The following ATP9A variants were observed in gnomAD, a reference collection of about 807,000 sequenced individuals.
ATP9A encodes the protein ATPase phospholipid transporting 9A.
ATP9A carries 52 observed loss-of-function variants against 144.1 expected under a neutral mutation model. The observed-to-expected ratio is 0.36, with a 90% CI of 0.29 to 0.45. The LOEUF is 0.45. Ranked by LOEUF, ATP9A falls within the 20% of genes least tolerant of loss-of-function variation. The probability of loss-of-function intolerance (pLI) is 1.00; values close to 1 mark genes in which losing one functional copy is unlikely to be tolerated. For synonymous variants in ATP9A, 582 were observed against 557.4 expected, an observed-to-expected ratio of 1.04 and a Z score of -0.62; for missense variants, 947 against 1,392.7, an observed-to-expected ratio of 0.68 and a Z score of 5.09.
intron 13 of ATP9A, among the ~76,000 whole-genome samples, chr20:51,660,210 T>C (rs1292843750): frequency 1.3e-5 from 2 of 152,224 alleles, no homozygotes; most frequent in African/African-American, 4.8e-5. Context: ...GACAAAGTAA[T>C]TACTGTGGTT....
chr20:51,610,918 A>C (rs961359086), intron 23 of ATP9A, among the ~76,000 whole-genome samples: 1 of 152,192 alleles, frequency 6.6e-6, no homozygotes, highest in Non-Finnish European at 1.5e-5. Flanking sequence ...CCCTCGCGGA[A>C]ATGTCTGCTT....
At chr20:51,697,539 G>C in intron 4 of ATP9A, 57 bp from the exon 5 acceptor site, 1 of 1,543,680 alleles carries the variant, frequency 6.5e-7, no homozygotes, top group South Asian at 1.1e-5. Flanking sequence ...AATTCAACAC[G>C]TCTTTACAGA....
chr20:51,690,886 A>G, intron 7 of ATP9A, 67 bp from the exon 8 acceptor site: 1 of 1,275,518 alleles, frequency 7.8e-7, no homozygotes, highest in Non-Finnish European at 1.1e-6. Flanking sequence ...GGAGGCATCC[A>G]CTATGTTTCC....
rs1568797033 is a variant in ATP9A at position 51,638,076 on chromosome 20, TA to T, written c.1668+1266del. On this transcript the variant is annotated intron_variant, in intron 15 of 27. Transcript: ENST00000338821. ...CTAAGTAGCATTTCATCATTTTATA[TA>T]TATATATATATATATATATATATAT... 3.8e-3 allele frequency among the ~76,000 whole-genome samples: 52 copies of T among 13,738 alleles called. 1 individual carries two copies. The highest frequency in any genetic ancestry group is 8.0e-3 in the African/African-American group (29 of 3,636). 9.0% of individuals were successfully genotyped at this position (13,738 alleles called of 152,430 possible). A position where few individuals can be genotyped will look rare whatever the true frequency, so the allele number is the denominator to read the frequency against.
At chr20:51,730,491 A>G (rs1387024485) in intron 1 of ATP9A, among the ~76,000 whole-genome samples, 2 of 152,198 alleles carry the variant, frequency 1.3e-5, no homozygotes, top group Admixed American at 1.3e-4. Flanking sequence ...TAAATAAATA[A>G]AAAGATGCTT....
At chr20:51,690,929 G>A in intron 7 of ATP9A, 110 bp from the exon 8 acceptor site, 5 of 863,354 alleles carry the variant, frequency 5.8e-6, no homozygotes, top group South Asian at 1.5e-5. Flanking sequence ...ACAGCAAATG[G>A]CCCCTCAAAA....
chr20:51,755,768 A>G (rs373123238), intron 1 of ATP9A, among the ~76,000 whole-genome samples: 136 of 152,258 alleles, frequency 8.9e-4, no homozygotes, highest in African/African-American at 3.1e-3. Context: ...ATCCTGGCTA[A>G]CAAGGTGAAA....
Position 51,657,014 on chromosome 20 carries a change from C to G in ATP9A, c.1430G>C (p.Gly477Ala), listed in dbSNP as rs1229457379. 6.2e-7 allele frequency: 1 copy of G among 1,614,112 alleles called. No individual in the cohort carries two copies. Among genetic ancestry groups the G allele is most frequent in the Non-Finnish European group, 8.5e-7 (1 of 1,180,058 alleles). The part of the protein sequence containing the change: ...HNVTPVYESN[G>A]VTDQAEAEKQ... Reference sequence around the variant, plus strand: ...CTCGGCCTCAGCCTGATCAGTCACACCGTTGGACTCATACACGGGAGTCAC... The same window carrying G: ...CTCGGCCTCAGCCTGATCAGTCACAGCGTTGGACTCATACACGGGAGTCAC... Residue 477 changes from glycine (G) to alanine (A), a missense_variant, in exon 14 of 28, where the codon GGT becomes GCT. Transcript: ENST00000338821.
chr20:51,658,897 G>T lies in ATP9A; in HGVS notation c.1294-1747C>A, dbSNP rs867903968. On this transcript the variant is annotated intron_variant, in intron 13 of 27. Coordinates refer to ENST00000338821, the MANE Select transcript of ATP9A (RefSeq NM_006045.3). ...AAATTAAGACCACTGGCGGGGGGGGGGGGGGGAAGGCTCATTGTTGAACAC... is the reference window on the plus strand; with the variant it reads ...AAATTAAGACCACTGGCGGGGGGGGTGGGGGGAAGGCTCATTGTTGAACAC... Among the ~76,000 whole-genome samples the T allele has an allele frequency of 2.2e-5, 3 of 133,446 alleles. 1 individual carries two copies. Among genetic ancestry groups the T allele is most frequent in the East Asian group, 5.4e-4 (2 of 3,694 alleles). The allele number at this position is 133,446 out of a possible 152,430, so 87.5% of individuals were successfully genotyped here.
At chr20:51,752,755 C>A (rs1301101868) in intron 1 of ATP9A, among the ~76,000 whole-genome samples, 1 of 152,126 alleles carries the variant, frequency 6.6e-6, no homozygotes, top group African/African-American at 2.4e-5. Flanking sequence ...GGAGTCAGTG[C>A]CTCTCTCTAC....
intron 9 of ATP9A, among the ~76,000 whole-genome samples, chr20:51,687,030 GATA>G (rs1222942174): frequency 1.3e-5 from 2 of 151,590 alleles, no homozygotes; most frequent in African/African-American, 4.9e-5. Flanking sequence ...AACTGAATGA[GATA>G]ATTATTTTTC....
intron 14 of ATP9A, among the ~76,000 whole-genome samples, chr20:51,646,998 A>G (rs2077344876): frequency 6.6e-6 from 1 of 152,064 alleles, no homozygotes; most frequent in East Asian, 1.9e-4. Flanking sequence ...GGGTGCCTGT[A>G]ATTCCAGCTA....
intron 3 of ATP9A, among the ~76,000 whole-genome samples, chr20:51,714,810 A>G (rs2077655244): frequency 6.6e-6 from 1 of 152,274 alleles, no homozygotes; most frequent in South Asian, 2.1e-4. Flanking sequence ...AGGAAACTCT[A>G]TTAAAGTATT....
intron 14 of ATP9A, among the ~76,000 whole-genome samples, chr20:51,652,408 TCC>T (rs2077370322): frequency 1.3e-5 from 2 of 152,220 alleles, no homozygotes. Flanking sequence ...CTCCAGCAGC[TCC>T]CAAGTAAAAT....
chr20:51,652,267 C>T (rs530212995), intron 14 of ATP9A, among the ~76,000 whole-genome samples: 1 of 152,318 alleles, frequency 6.6e-6, no homozygotes, highest in African/African-American at 2.4e-5. Flanking sequence ...GGCCCAGCGC[C>T]CCCAGGCTGT....
At chr20:51,711,208 C>G (rs1278816002) in intron 4 of ATP9A, among the ~76,000 whole-genome samples, 1 of 152,158 alleles carries the variant, frequency 6.6e-6, no homozygotes, top group Non-Finnish European at 1.5e-5. Flanking sequence ...ACTCTAAATT[C>G]CCCCTTCTCC....
At chr20:51,746,610 C>T (rs768034289) in intron 1 of ATP9A, among the ~76,000 whole-genome samples, 4 of 152,236 alleles carry the variant, frequency 2.6e-5, no homozygotes, top group Non-Finnish European at 5.9e-5. Flanking sequence ...GAGGCCAAGA[C>T]AGGCAGATCA....
chr20:51,608,822 C>T (rs2077173852), intron 24 of ATP9A, among the ~76,000 whole-genome samples, 196 bp from the exon 25 acceptor site: 2 of 152,124 alleles, frequency 1.3e-5, no homozygotes, highest in African/African-American at 4.8e-5. Context: ...GAAGAGCTTT[C>T]ATCCCGGTCA....
chr20:51,682,367 A>G (rs1198466067), intron 9 of ATP9A, among the ~76,000 whole-genome samples: 1 of 152,080 alleles, frequency 6.6e-6, no homozygotes, highest in Non-Finnish European at 1.5e-5. Flanking sequence ...AAAATGAAGT[A>G]CGTCCTATTC....
Sources: allele counts gnomAD v4.1 joint callset (sites outside exome capture counted in the v4.1 genomes callset), GRCh38; gene constraint gnomAD v4.1.1; transcripts MANE v1.5; gene names NCBI Gene and HGNC (gene_info 2026-07-23, HGNC 2026-07-21).